TFCP2L1: variants seen among roughly 807,000 people sequenced by gnomAD.
The protein encoded by TFCP2L1 is transcription factor CP2 like 1.
TFCP2L1 carries 12 observed loss-of-function variants against 72.2 expected under a neutral mutation model. That is an observed-to-expected ratio of 0.17 (90% CI 0.11 to 0.27). The LOEUF (loss-of-function observed/expected upper bound fraction) is 0.27. Among genes scored for constraint, TFCP2L1 ranks in the 10% least tolerant of loss-of-function variants. The pLI is 1.00. For synonymous variants in TFCP2L1, 260 were observed against 251.0 expected, an observed-to-expected ratio of 1.04 and a Z score of -0.34; for missense variants, 488 against 624.6, an observed-to-expected ratio of 0.78 and a Z score of 2.33.
Position 121,226,551 on chromosome 2 carries a change from G to A in TFCP2L1, c.1342-938C>T, listed in dbSNP as rs186893088. ...TACTTAGTAGGATCTGCACATCAGC[G>A]TCCTACAAAGACAAAATATAAAGGA... On this transcript the variant is annotated intron_variant, in intron 13 of 14. Coordinates refer to ENST00000263707, the MANE Select transcript of TFCP2L1 (RefSeq NM_014553.3). 3.9e-5 allele frequency among the ~76,000 whole-genome samples: 6 copies of A among 152,102 alleles called. No individual in the cohort carries two copies. In the South Asian group the frequency reaches 6.2e-4, roughly 16 times the overall value.
chr2:121,273,215 A>G (rs1420338605), intron 2 of TFCP2L1, among the ~76,000 whole-genome samples: 1 of 151,262 alleles, frequency 6.6e-6, no homozygotes, highest in African/African-American at 2.4e-5. Flanking sequence ...ACCGCAAGTC[A>G]TTTTTGCAAT....
chr2:121,278,010 A>C (rs1014643694), intron 2 of TFCP2L1, among the ~76,000 whole-genome samples: 3 of 150,656 alleles, frequency 2.0e-5, no homozygotes, highest in Non-Finnish European at 4.4e-5. Flanking sequence ...GAGACCATAG[A>C]GGTAACTCCT....
Position 121,223,977 on chromosome 2 carries a change from G to T in TFCP2L1, c.*364C>A. On this transcript the variant is annotated 3_prime_UTR_variant, in exon 15 of 15. Coordinates refer to ENST00000263707, the MANE Select transcript of TFCP2L1 (RefSeq NM_014553.3). Reference sequence around the variant, plus strand: ...TGGAGGCAGGAGAGTGGTCAGAAGGGACCAATACAGGCAGCACCAAGATAC... The same window carrying T: ...TGGAGGCAGGAGAGTGGTCAGAAGGTACCAATACAGGCAGCACCAAGATAC... 1 of 281,104 alleles carries T rather than the reference G, an allele frequency of 3.6e-6. No homozygotes were observed. Among genetic ancestry groups the T allele is most frequent in the Non-Finnish European group, 6.8e-6 (1 of 147,316 alleles). The allele number at this position is 281,104 out of a possible 1,614,324, so 17.4% of individuals were successfully genotyped here. A position where few individuals can be genotyped will look rare whatever the true frequency, so the allele number is the denominator to read the frequency against.
At chr2:121,261,777 C>A (rs1403901543) in intron 2 of TFCP2L1, among the ~76,000 whole-genome samples, 1 of 152,098 alleles carries the variant, frequency 6.6e-6, no homozygotes, top group East Asian at 1.9e-4. Flanking sequence ...ATATCCTCCA[C>A]CCCAAGATTA....
Position 121,254,314 on chromosome 2 carries a change from C to A in TFCP2L1, c.215-4667G>T, listed in dbSNP as rs115892357. On this transcript the variant is annotated intron_variant, in intron 2 of 14. Transcript: ENST00000263707. The stretch of plus-strand genomic sequence containing the variant: ...GTACATCAAACAGTCCTGGAAGAGC[C>A]GTACTATAATGTTTAAAATTTCTGT... Among the ~76,000 whole-genome samples the A allele has an allele frequency of 4.7e-3, 718 of 152,168 alleles. 4 individuals carry two copies. Among genetic ancestry groups the A allele is most frequent in the African/African-American group, 0.017 (703 of 41,504 alleles).
At chr2:121,279,644 G>C (rs1687215437) in intron 2 of TFCP2L1, among the ~76,000 whole-genome samples, 1 of 152,256 alleles carries the variant, frequency 6.6e-6, no homozygotes, top group Non-Finnish European at 1.5e-5. Flanking sequence ...CAGAGAGCCT[G>C]ATGACCAAGT....
At chr2:121,248,937 G>C in intron 4 of TFCP2L1, 45 bp downstream of exon 4, 1 of 1,458,318 alleles carries the variant, frequency 6.9e-7, no homozygotes, top group Non-Finnish European at 9.2e-7. Context: ...AATGTGGCCT[G>C]GGTGCCTCGA....
chr2:121,277,681 A>G (rs1465259545), intron 2 of TFCP2L1, among the ~76,000 whole-genome samples: 1 of 152,250 alleles, frequency 6.6e-6, no homozygotes, highest in East Asian at 1.9e-4. Context: ...TCATAGAAAT[A>G]TACAATGTAA....
intron 6 of TFCP2L1, 66 bp from the exon 7 acceptor site, chr2:121,242,535 C>T: frequency 1.3e-6 from 2 of 1,502,932 alleles, no homozygotes. Context: ...CAAGCCCTCT[C>T]CTGCTTCCCA....
intron 2 of TFCP2L1, among the ~76,000 whole-genome samples, chr2:121,276,399 G>A (rs796405466): frequency 3.3e-5 from 5 of 152,132 alleles, no homozygotes; most frequent in South Asian, 2.1e-4. Context: ...TTGAGAGGCC[G>A]AGGTGGAAGG....
intron 1 of TFCP2L1, among the ~76,000 whole-genome samples, chr2:121,284,436 G>A (rs1687324868): frequency 6.6e-6 from 1 of 152,206 alleles, no homozygotes; most frequent in Non-Finnish European, 1.5e-5. Flanking sequence ...CCCTCTGAAG[G>A]GCACTACTCA....
intron 1 of TFCP2L1, among the ~76,000 whole-genome samples, chr2:121,284,553 G>A (rs1474261426): frequency 1.3e-5 from 2 of 152,206 alleles, no homozygotes; most frequent in Non-Finnish European, 2.9e-5. Flanking sequence ...GCCCCTCCGA[G>A]CCCGCCGCCC....
rs1491513403 is a variant in TFCP2L1, at chr2:121,222,557, CAT to C, written c.*1782_*1783del. 7 of 152,222 alleles carry C rather than the reference CAT, an allele frequency of 4.6e-5. No homozygotes were observed. The highest frequency in any genetic ancestry group is 3.9e-4 in the Admixed American group (6 of 15,274). 9.4% of individuals were successfully genotyped at this position (152,222 alleles called of 1,614,324 possible). ...GAAGCCAGTCACAAAAGAGATATCA[CAT>C]GATTCCAGATATATGAAATGTCCAG... On this transcript the variant is annotated 3_prime_UTR_variant, in exon 15 of 15. Transcript: ENST00000263707.
chr2:121,278,188 C>T (rs1687185124), intron 2 of TFCP2L1, among the ~76,000 whole-genome samples: 1 of 148,332 alleles, frequency 6.7e-6, no homozygotes, highest in South Asian at 2.1e-4. Flanking sequence ...AGGCGCCCGC[C>T]ACCGCGCCCG....
chr2:121,257,647 G>A (rs777115677), intron 2 of TFCP2L1, among the ~76,000 whole-genome samples: 3 of 152,194 alleles, frequency 2.0e-5, no homozygotes, highest in Non-Finnish European at 2.9e-5. Context: ...CCTGTGAAGG[G>A]CTGCATAGCA....
intron 12 of TFCP2L1, among the ~76,000 whole-genome samples, chr2:121,233,540 C>T (rs1056367271): frequency 2.0e-5 from 3 of 152,208 alleles, no homozygotes; most frequent in African/African-American, 7.2e-5. Context: ...ACAAGCAATC[C>T]TCCCACCTCC....
chr2:121,239,691 G>A lies in TFCP2L1; in HGVS notation c.769-42C>T, dbSNP rs183155562. ...AGGGCGAGCTGGGATCTGGAGAGGCGCTGAGCCGTGCTCCCCAGGTCCTCC... is the reference window on the plus strand; with the variant it reads ...AGGGCGAGCTGGGATCTGGAGAGGCACTGAGCCGTGCTCCCCAGGTCCTCC... On this transcript the variant is annotated intron_variant, in intron 7 of 14. Transcript: ENST00000263707. 145 of 1,573,658 alleles carry A rather than the reference G, an allele frequency of 9.2e-5. 1 individual carries two copies. Among genetic ancestry groups the A allele is most frequent in the East Asian group, 1.1e-4 (5 of 44,460 alleles).
At chr2:121,283,105 C>G (rs889827072) in intron 1 of TFCP2L1, among the ~76,000 whole-genome samples, 1 of 152,122 alleles carries the variant, frequency 6.6e-6, no homozygotes, top group African/African-American at 2.4e-5. Flanking sequence ...CGGACTGCTG[C>G]CTTTAAATTT....
intron 1 of TFCP2L1, among the ~76,000 whole-genome samples, chr2:121,282,850 A>T (rs1687292629): frequency 6.6e-6 from 1 of 152,124 alleles, no homozygotes; most frequent in Non-Finnish European, 1.5e-5. Context: ...CCCCATCAAC[A>T]TCTCATCAAT....
Sources: gnomAD v4.1 joint callset for allele counts (sites outside exome capture counted in the v4.1 genomes callset) on GRCh38, gnomAD v4.1.1 for gene constraint, MANE v1.5 for transcripts, NCBI Gene and HGNC (gene_info 2026-07-23, HGNC 2026-07-21) for gene names.